The following PTPRT variants were observed in gnomAD, a reference collection of about 807,000 sequenced individuals.
PTPRT encodes protein tyrosine phosphatase receptor type T.
A neutral mutation model predicts 176.8 loss-of-function variants in PTPRT; 56 were observed. The ratio of observed to expected loss-of-function variants is 0.32; its 90% CI spans 0.26 to 0.40. PTPRT has a LOEUF of 0.40. Among genes scored for constraint, PTPRT ranks in the 10% least tolerant of loss-of-function variants. PTPRT has a pLI of 1.00. For missense variants in PTPRT, 1,540 were observed against 1,908.2 expected, an observed-to-expected ratio of 0.81 and a Z score of 3.60; for synonymous variants, 783 against 739.0, an observed-to-expected ratio of 1.06 and a Z score of -0.96.
intron 2 of PTPRT, among the ~76,000 whole-genome samples, chr20:42,837,830 T>C (rs181134197): frequency 3.3e-5 from 5 of 152,088 alleles, no homozygotes; most frequent in Admixed American, 3.3e-4. Flanking sequence ...AATAGAATAA[T>C]TTCAGCAGAC....
chr20:43,130,073 GA>G (rs1368780808), intron 1 of PTPRT, among the ~76,000 whole-genome samples: 19 of 152,082 alleles, frequency 1.2e-4, no homozygotes, highest in Admixed American at 1.2e-3. Flanking sequence ...AGAGCAGGAA[GA>G]AAAAAAGAAA....
chr20:42,872,045 G>T (rs867473584), intron 2 of PTPRT, among the ~76,000 whole-genome samples: 2 of 152,172 alleles, frequency 1.3e-5, no homozygotes, highest in Admixed American at 1.3e-4. Context: ...TGACTACAAG[G>T]CTTTGAATCC....
At chr20:42,285,700 G>A (rs2057217757) in intron 12 of PTPRT, among the ~76,000 whole-genome samples, 2 of 151,308 alleles carry the variant, frequency 1.3e-5, no homozygotes, top group South Asian at 2.1e-4. Flanking sequence ...AACTGGGCAA[G>A]AGAAAAATTT....
chr20:42,151,946 G>A (rs1989152496), intron 17 of PTPRT, among the ~76,000 whole-genome samples: 1 of 152,204 alleles, frequency 6.6e-6, no homozygotes, highest in Non-Finnish European at 1.5e-5. Context: ...TTCATAATCT[G>A]TTGGGAGCCT....
chr20:42,086,558 G>A (rs1284426244), intron 27 of PTPRT, among the ~76,000 whole-genome samples: 2 of 150,532 alleles, frequency 1.3e-5, no homozygotes, highest in Admixed American at 1.3e-4. Flanking sequence ...TTTTCACCAC[G>A]CAAATCATCA....
chr20:42,633,971 TA>T (rs1355193049), intron 7 of PTPRT, among the ~76,000 whole-genome samples: 2,763 of 34,192 alleles, frequency 0.081, 259 homozygotes, highest in Non-Finnish European at 0.099. Flanking sequence ...TAATATATTA[TA>T]ATATATTATA....
chr20:42,429,257 T>A (rs955649545), intron 9 of PTPRT, among the ~76,000 whole-genome samples: 1 of 152,124 alleles, frequency 6.6e-6, no homozygotes, highest in African/African-American at 2.4e-5. Context: ...CTCCATGGGA[T>A]TCGAGCAGGA....
intron 27 of PTPRT, among the ~76,000 whole-genome samples, chr20:42,087,706 C>T (rs1600476216): frequency 2.0e-5 from 3 of 150,554 alleles, no homozygotes; most frequent in South Asian, 4.2e-4. Context: ...AAACCCGTCT[C>T]CACTAAAAAT....
rs1483988313 is a variant in PTPRT at position 42,413,873 on chromosome 20, CAG to C, written c.1560+34345_1560+34346del. 5.5e-4 allele frequency among the ~76,000 whole-genome samples: 84 copies of C among 152,294 alleles called. 1 individual carries two copies. The highest frequency in any genetic ancestry group is 1.5e-4 in the Non-Finnish European group (10 of 68,032). ...TAGAGACTTTATTTTTTGTTTGAGA[CAG>C]AGTCTTGCTCTGTCACCCAGGTTGG... On this transcript the variant is annotated intron_variant, in intron 9 of 30. Coordinates refer to ENST00000373187, the MANE Select transcript of PTPRT (RefSeq NM_007050.6).
intron 14 of PTPRT, among the ~76,000 whole-genome samples, chr20:42,248,272 A>G (rs1196616624): frequency 6.6e-6 from 1 of 152,156 alleles, no homozygotes; most frequent in Non-Finnish European, 1.5e-5. Context: ...ATCAGGGGCA[A>G]ACGGAGGTGA....
chr20:42,771,776 A>C (rs2077067041), intron 4 of PTPRT, among the ~76,000 whole-genome samples: 1 of 152,228 alleles, frequency 6.6e-6, no homozygotes, highest in Non-Finnish European at 1.5e-5. Context: ...TGAAGTGGGC[A>C]GTATCCCCAT....
intron 19 of PTPRT, among the ~76,000 whole-genome samples, chr20:42,125,599 T>TAG (rs1987815047): frequency 6.6e-6 from 1 of 152,244 alleles, no homozygotes; most frequent in East Asian, 1.9e-4. Context: ...TGGACAGTGC[T>TAG]CTTAACCTAC....
At chr20:42,709,992 T>A (rs994467762) in intron 6 of PTPRT, among the ~76,000 whole-genome samples, 2 of 152,240 alleles carry the variant, frequency 1.3e-5, no homozygotes, top group African/African-American at 2.4e-5. Context: ...TTAGGGTAAC[T>A]GGCAGAATAA....
chr20:42,768,796 G>A (rs1439850031), intron 5 of PTPRT, among the ~76,000 whole-genome samples: 1 of 152,190 alleles, frequency 6.6e-6, no homozygotes, highest in African/African-American at 2.4e-5. Flanking sequence ...TTGAAAAGGA[G>A]ATAAGATGTG....
intron 7 of PTPRT, among the ~76,000 whole-genome samples, chr20:42,607,155 A>G (rs1357206116): frequency 6.6e-6 from 1 of 151,822 alleles, no homozygotes; most frequent in African/African-American, 2.4e-5. Flanking sequence ...TCATAGAGAC[A>G]GGAAGTAGAA....
intron 13 of PTPRT, among the ~76,000 whole-genome samples, chr20:42,258,501 C>G (rs1205358027): frequency 6.6e-6 from 1 of 152,246 alleles, no homozygotes; most frequent in East Asian, 1.9e-4. Context: ...ATTTAGCAAA[C>G]AAACCATCCC....
intron 2 of PTPRT, among the ~76,000 whole-genome samples, chr20:42,848,288 G>A (rs1330879451): frequency 6.6e-6 from 1 of 152,208 alleles, no homozygotes; most frequent in Non-Finnish European, 1.5e-5. Flanking sequence ...TGCTGCATGT[G>A]TGTGCAAGTA....
chr20:42,268,695 C>T (rs188432615), intron 13 of PTPRT, among the ~76,000 whole-genome samples: 1 of 152,330 alleles, frequency 6.6e-6, no homozygotes, highest in Admixed American at 6.5e-5. Context: ...TGAAATAAGG[C>T]TATGCAACTT....
At chr20:43,154,787 T>C (rs1963217131) in intron 1 of PTPRT, among the ~76,000 whole-genome samples, 1 of 152,084 alleles carries the variant, frequency 6.6e-6, no homozygotes, top group Admixed American at 6.6e-5. Context: ...AGAGAAAATA[T>C]CTGCAAACTG....
Sources: gnomAD v4.1 joint callset for allele counts (sites outside exome capture counted in the v4.1 genomes callset) on GRCh38, gnomAD v4.1.1 for gene constraint, MANE v1.5 for transcripts, NCBI Gene and HGNC (gene_info 2026-07-23, HGNC 2026-07-21) for gene names.